Variants in ARVCF observed in about 807,000 individuals in gnomAD.
ARVCF encodes the protein splicing regulator ARVCF.
Under a neutral mutation model 90.9 loss-of-function variants are expected in ARVCF, and 66 were observed. That is an observed-to-expected ratio of 0.73 (90% CI 0.60 to 0.89). The LOEUF (loss-of-function observed/expected upper bound fraction) is 0.89. ARVCF is among the 40% of genes least tolerant of loss of function. The pLI, the probability that ARVCF is intolerant of heterozygous loss-of-function variation, is 0.00. For synonymous variants in ARVCF, 653 were observed against 603.4 expected (o/e 1.08, Z -1.21); for missense variants, 1,469 against 1,382.3 (o/e 1.06, Z -1.00).
chr22:19,991,644 C>A (rs551028703), intron 2 of ARVCF, among the ~76,000 whole-genome samples: 4 of 152,364 alleles, frequency 2.6e-5, no homozygotes, highest in Admixed American at 2.0e-4. Flanking sequence ...CCCCTCAGGG[C>A]CCCAGAGCCC....
intron 2 of ARVCF, among the ~76,000 whole-genome samples, chr22:20,000,707 G>T (rs1421639391): frequency 6.6e-6 from 1 of 152,234 alleles, no homozygotes; most frequent in Non-Finnish European, 1.5e-5. Flanking sequence ...ACAGTATTAA[G>T]AGGTAGGGCC....
chr22:19,979,158 C>T (rs1193910450), intron 6 of ARVCF, 78 bp from the exon 7 acceptor site: 1 of 1,453,368 alleles, frequency 6.9e-7, no homozygotes, highest in Non-Finnish European at 9.4e-7. Context: ...CGCTCAGGAC[C>T]TGTCCCACTC....
chr22:19,973,840 C>T, intron 12 of ARVCF, 47 bp from the exon 13 acceptor site: 1 of 1,572,610 alleles, frequency 6.4e-7, no homozygotes, highest in Non-Finnish European at 8.6e-7. Flanking sequence ...GCCAGGCACT[C>T]TCCCACCTCC....
intron 2 of ARVCF, among the ~76,000 whole-genome samples, chr22:19,999,113 G>A (rs1298981311): frequency 1.3e-5 from 2 of 152,184 alleles, no homozygotes; most frequent in Non-Finnish European, 2.9e-5. Flanking sequence ...GGAGGCAGAG[G>A]AGGCCAGGCC....
In ARVCF at chr22:19,979,776, C is replaced by A. The variant is rs1265737830; in HGVS notation, c.1363G>T (p.Ala455Ser). 6.2e-7 allele frequency: 1 copy of A among 1,606,456 alleles called. No individual in the cohort carries two copies. Among genetic ancestry groups the A allele is most frequent in the Non-Finnish European group, 8.5e-7 (1 of 1,176,498 alleles). ...AGCTCACGGACCTCGTTGTCCCGGG[C>A]AGCCCTCAGCAGGCGCACCAGGGCA... The part of the protein sequence containing the change: ...VPALVRLLRA[A>S]RDNEVRELVT... The change falls in exon 6 of 20, where the codon GCC (alanine) becomes TCC (serine). Residue 455 changes from alanine (A) to serine (S), a missense_variant. Physicochemically the swap from Ala to Ser is moderately conservative, Grantham distance 99. Transcript: ENST00000263207.
At chr22:19,998,916 G>C (rs545873997) in intron 2 of ARVCF, among the ~76,000 whole-genome samples, 1 of 152,174 alleles carries the variant, frequency 6.6e-6, no homozygotes, top group African/African-American at 2.4e-5. Context: ...TCACCTATCC[G>C]CCCAGGGGGA....
At chr22:19,980,285 G>A (rs55812801) in intron 5 of ARVCF, 43 bp from the exon 6 acceptor site, 46 of 1,488,332 alleles carry the variant, frequency 3.1e-5, no homozygotes, top group East Asian at 7.0e-5. Context: ...CACAGCAGCC[G>A]CCAGCCCTGC....
In ARVCF at chr22:19,977,994, C is replaced by A. The variant is rs745710800; in HGVS notation, c.1662G>T (p.Leu554=). The A allele has an allele frequency of 6.2e-7, 1 of 1,611,606 alleles. No individual in the cohort carries two copies. The highest frequency in any genetic ancestry group is 1.7e-5 in the Admixed American group (1 of 59,882). ...TGTCCTTCCGGCCCACAGCCGACTG[C>A]AGGGCATGCAGGAGCGCGTCCACCA... is the stretch of plus-strand genomic sequence containing the variant. ...EGLVDALLHA[L]QSAVGRKDTD... The change falls in exon 8 of 20, where the codon CTG becomes CTT. Residue 554 remains leucine, a synonymous_variant. Transcript: ENST00000263207.
At chr22:19,969,473 T>A (rs1942619933), downstream of ARVCF, 1 of 152,214 alleles carries the variant, frequency 6.6e-6, no homozygotes, top group South Asian at 2.1e-4. Context: ...CCCTGGCCCA[T>A]GAGTGAGGAT....
intron 7 of ARVCF, among the ~76,000 whole-genome samples, chr22:19,978,582 G>A (rs1409489120): frequency 6.6e-6 from 1 of 152,112 alleles, no homozygotes; most frequent in Non-Finnish European, 1.5e-5. Context: ...GCTGGGATGA[G>A]CCTCCCAGGC....
intron 6 of ARVCF, 91 bp from the exon 7 acceptor site, chr22:19,979,171 C>T (rs1943336626): frequency 3.7e-6 from 5 of 1,369,648 alleles, no homozygotes; most frequent in Admixed American, 2.0e-5. Context: ...TCCCACTCTC[C>T]TCATGTCCCA....
chr22:19,972,845 G>A lies in ARVCF; in HGVS notation c.2551-18C>T, dbSNP rs1419779252. 4.3e-6 allele frequency: 7 copies of A among 1,613,650 alleles called. No individual in the cohort carries two copies. Among genetic ancestry groups the A allele is most frequent in the East Asian group, 2.2e-5 (1 of 44,868 alleles). On this transcript the variant is annotated intron_variant, in intron 15 of 19. Coordinates refer to ENST00000263207, the MANE Select transcript of ARVCF (RefSeq NM_001670.3). ...GCAGCTGACTGAGACATAAAACACAGACACAGGGTGGGTGAAGCACATGGA... is the reference window on the plus strand; with the variant it reads ...GCAGCTGACTGAGACATAAAACACAAACACAGGGTGGGTGAAGCACATGGA...
At chr22:19,976,651 C>T in intron 10 of ARVCF, 55 bp downstream of exon 10, 1 of 1,548,178 alleles carries the variant, frequency 6.5e-7, no homozygotes, top group South Asian at 1.2e-5. Flanking sequence ...CTCGCCTCTT[C>T]CCAGGTACCC....
chr22:20,006,865 C>T (rs1292465901), intron 2 of ARVCF, among the ~76,000 whole-genome samples: 1 of 151,580 alleles, frequency 6.6e-6, no homozygotes, highest in Non-Finnish European at 1.5e-5. Context: ...CTCTTGACCT[C>T]GTGATCTGCC....
chr22:19,967,497 G>C, downstream of ARVCF: 1 of 424,400 alleles, frequency 2.4e-6, no homozygotes, highest in Non-Finnish European at 4.7e-6. Context: ...CCTTGCAGCC[G>C]TGTGGTGTCC....
chr22:20,003,028 A>G (rs149466623), intron 2 of ARVCF, among the ~76,000 whole-genome samples: 1 of 152,206 alleles, frequency 6.6e-6, no homozygotes, highest in Non-Finnish European at 1.5e-5. Flanking sequence ...ACAAAAAAAA[A>G]CCTCAATTTG....
chr22:19,973,315 T>A lies in ARVCF; in HGVS notation c.2242A>T (p.Ser748Cys). ...CGCACAAGCTCAGCCATGGCGTAGC[T>A]CCCTGAGGGGCAGGACTAGGTGTCA... Reference protein sequence around the residue: ...LDRRNKDLIGSYAMAELVRNV... With the variant: ...LDRRNKDLIGCYAMAELVRNV... Residue 748 changes from serine to cysteine, a missense_variant and splice_region_variant, in exon 14 of 20, where the codon AGC becomes TGC. Transcript: ENST00000263207. The A allele has an allele frequency of 6.3e-7, 1 of 1,594,560 alleles. No individual in the cohort carries two copies.
intron 2 of ARVCF, among the ~76,000 whole-genome samples, chr22:20,001,031 C>G (rs1944425620): frequency 6.6e-6 from 1 of 152,196 alleles, no homozygotes; most frequent in African/African-American, 2.4e-5. Flanking sequence ...GGCACACGCA[C>G]CAGCAGGCAC....
At position 20,010,721 on chromosome 22, in the gene ARVCF, G is replaced by A. The variant is rs551584957; in HGVS notation, c.-72-213C>T. Reference sequence around the variant, plus strand: ...ACTGTAGGTGACACTGGGCTGCCACGGTTCCTTGTCAGCATGTCTAATGCT... The same window carrying A: ...ACTGTAGGTGACACTGGGCTGCCACAGTTCCTTGTCAGCATGTCTAATGCT... On this transcript the variant is annotated intron_variant, in intron 1 of 19. Coordinates refer to ENST00000263207, the MANE Select transcript of ARVCF (RefSeq NM_001670.3). Among the ~76,000 whole-genome samples the A allele has an allele frequency of 3.9e-5, 6 of 152,312 alleles. No individual in the cohort carries two copies. In the South Asian group the frequency reaches 1.2e-3, roughly 32 times the overall value.
Sources: allele counts gnomAD v4.1 joint callset (sites outside exome capture counted in the v4.1 genomes callset), GRCh38; gene constraint gnomAD v4.1.1; transcripts MANE v1.5; gene names NCBI Gene and HGNC (gene_info 2026-07-23, HGNC 2026-07-21).